The following SDCCAG8 variants were observed in gnomAD, a reference collection of about 807,000 sequenced individuals.
SDCCAG8 encodes SHH signaling and ciliogenesis regulator SDCCAG8.
In SDCCAG8, 74 loss-of-function variants were observed where a neutral mutation model predicts 101.8. The observed-to-expected ratio is 0.73, with a 90% CI of 0.60 to 0.88. The LOEUF (loss-of-function observed/expected upper bound fraction) is 0.88, where lower values mean the gene tolerates loss of function less well. Ranked by LOEUF, SDCCAG8 falls within the 40% of genes least tolerant of loss-of-function variation. The pLI is 0.00. For synonymous variants in SDCCAG8, 281 were observed against 292.9 expected, an observed-to-expected ratio of 0.96 and a Z score of 0.41; for missense variants, 787 against 822.6, an observed-to-expected ratio of 0.96 and a Z score of 0.53.
chr1:243,436,727 C>T (rs2082159069), intron 16 of SDCCAG8, among the ~76,000 whole-genome samples: 1 of 152,066 alleles, frequency 6.6e-6, no homozygotes, highest in South Asian at 2.1e-4. Context: ...CCATCTATAA[C>T]CTGCCAATTT....
intron 8 of SDCCAG8, among the ~76,000 whole-genome samples, chr1:243,310,153 C>T (rs534426002): frequency 7.9e-4 from 121 of 152,208 alleles, no homozygotes; most frequent in African/African-American, 2.8e-3. Flanking sequence ...TGAGCCACCA[C>T]GCCCGGCCCG....
At chr1:243,269,337 T>C (rs2067893184) in intron 1 of SDCCAG8, 1 of 145,554 alleles carries the variant, frequency 6.9e-6, no homozygotes, top group Admixed American at 7.1e-5. Context: ...ACAGTCTCGC[T>C]CTCTTGCCAG....
intron 12 of SDCCAG8, among the ~76,000 whole-genome samples, chr1:243,349,615 C>T (rs1190429955): frequency 1.3e-5 from 2 of 152,140 alleles, no homozygotes; most frequent in Non-Finnish European, 2.9e-5. Flanking sequence ...TGCAGTATAA[C>T]AAATGTGCCA....
At chr1:243,427,650 AT>A (rs1204400710) in intron 16 of SDCCAG8, among the ~76,000 whole-genome samples, 1 of 151,934 alleles carries the variant, frequency 6.6e-6, no homozygotes, top group African/African-American at 2.4e-5. Flanking sequence ...GACTCCTTGT[AT>A]TTTTTTAAAT....
rs1189904392 is a variant in SDCCAG8 at position 243,316,860 on chromosome 1, A to AAT, written c.1038_1039dup (p.Ser347TyrfsTer13). The stretch of plus-strand genomic sequence containing the variant: ...ATGAACAGGTGAAACAAGTTTTGCA[A>AAT]ATATCTGAGGAAGCCAATTTTGAAA... On this transcript the variant is annotated frameshift_variant, in exon 9 of 18. Coordinates refer to ENST00000366541, the MANE Select transcript of SDCCAG8 (RefSeq NM_006642.5). LOFTEE classifies it high-confidence loss of function. 1 of 1,614,230 alleles carries AAT rather than the reference A, an allele frequency of 6.2e-7. No individual in the cohort carries two copies. The highest frequency in any genetic ancestry group is 1.7e-5 in the Admixed American group (1 of 60,030).
intron 15 of SDCCAG8, 76 bp from the exon 16 acceptor site, chr1:243,426,345 ATAATGT>A (rs2081337870): frequency 9.1e-6 from 11 of 1,204,628 alleles, no homozygotes; most frequent in Admixed American, 2.0e-5. Context: ...GGAGTTTAAG[ATAATGT>A]TAAGGTTATA....
chr1:243,304,505 T>A (rs1481247519), intron 6 of SDCCAG8, among the ~76,000 whole-genome samples: 1 of 152,066 alleles, frequency 6.6e-6, no homozygotes. Flanking sequence ...ACAAAGAAAA[T>A]CAATTTTATG....
chr1:243,439,622 T>TCACACACACACACACACACACACACA (rs60044857), intron 16 of SDCCAG8, among the ~76,000 whole-genome samples: 10 of 120,146 alleles, frequency 8.3e-5, no homozygotes, highest in Admixed American at 2.5e-4. Flanking sequence ...TGAGACTCCA[T>TCACACACACACACACACACACACACA]CACACACACA....
At chr1:243,492,519 G>A (rs1574408472) in intron 17 of SDCCAG8, among the ~76,000 whole-genome samples, 1 of 150,452 alleles carries the variant, frequency 6.6e-6, no homozygotes, top group African/African-American at 2.5e-5. Context: ...GGCCAGGCTG[G>A]TCTTGAACTC....
chr1:243,375,114 A>G (rs2077523069), intron 12 of SDCCAG8, among the ~76,000 whole-genome samples: 1 of 152,132 alleles, frequency 6.6e-6, no homozygotes, highest in African/African-American at 2.4e-5. Flanking sequence ...AAATCATTAT[A>G]TGGGAGCATG....
chr1:243,457,957 T>C (rs1323439103), intron 16 of SDCCAG8, among the ~76,000 whole-genome samples: 1 of 152,236 alleles, frequency 6.6e-6, no homozygotes, highest in African/African-American at 2.4e-5. Flanking sequence ...TTTTAAAATT[T>C]GGCTATAATA....
chr1:243,419,331 A>G (rs1428554673), intron 15 of SDCCAG8, among the ~76,000 whole-genome samples: 3 of 152,236 alleles, frequency 2.0e-5, no homozygotes, highest in Non-Finnish European at 4.4e-5. Context: ...AAAGAGACCC[A>G]TAAAATATCA....
In SDCCAG8 at chr1:243,307,976, A is replaced by G. The variant is rs1558269520; in HGVS notation, c.741-13A>G. 1.2e-6 allele frequency: 2 copies of G among 1,612,976 alleles called. No individual in the cohort carries two copies. Among genetic ancestry groups the G allele is most frequent in the African/African-American group, 1.3e-5 (1 of 74,924 alleles). On this transcript the variant is annotated splice_polypyrimidine_tract_variant and intron_variant, in intron 7 of 17. Coordinates refer to ENST00000366541, the MANE Select transcript of SDCCAG8 (RefSeq NM_006642.5). ...CCTGGCCATTTTCTAGAATTTTTTC[A>G]CCCTCTTTTTAGGAACGACTTAGCT...
chr1:243,478,020 A>C (rs1662766788), intron 16 of SDCCAG8, among the ~76,000 whole-genome samples: 1 of 152,234 alleles, frequency 6.6e-6, no homozygotes, highest in East Asian at 1.9e-4. Flanking sequence ...AAATTTTAAA[A>C]GAATTAAAAT....
intron 15 of SDCCAG8, among the ~76,000 whole-genome samples, chr1:243,425,684 G>A (rs1281546461): frequency 6.6e-6 from 1 of 152,158 alleles, no homozygotes; most frequent in Non-Finnish European, 1.5e-5. Context: ...TTAATACAAG[G>A]AAAGGAATAT....
At chr1:243,485,877 G>A (rs1482834222) in intron 16 of SDCCAG8, among the ~76,000 whole-genome samples, 1 of 142,964 alleles carries the variant, frequency 7.0e-6, no homozygotes, top group East Asian at 2.1e-4. Flanking sequence ...GGGCAACAAA[G>A]CAAGACTTCG....
intron 4 of SDCCAG8, among the ~76,000 whole-genome samples, chr1:243,282,179 A>C (rs2069116464): frequency 6.6e-6 from 1 of 150,914 alleles, no homozygotes; most frequent in Middle Eastern, 3.2e-3. Flanking sequence ...TTTCCAATTC[A>C]CATATCAATT....
intron 16 of SDCCAG8, among the ~76,000 whole-genome samples, chr1:243,477,928 A>T (rs1446446503): frequency 6.6e-6 from 1 of 152,220 alleles, no homozygotes; most frequent in African/African-American, 2.4e-5. Flanking sequence ...ACTGAAATTG[A>T]GTCAGAAATT....
At chr1:243,493,599 T>G (rs1221538057) in intron 17 of SDCCAG8, among the ~76,000 whole-genome samples, 3 of 151,920 alleles carry the variant, frequency 2.0e-5, no homozygotes, top group Non-Finnish European at 2.9e-5. Flanking sequence ...TCCCTTTTAG[T>G]CCCCTCATAT....
Sources: allele counts gnomAD v4.1 joint callset (sites outside exome capture counted in the v4.1 genomes callset), GRCh38; gene constraint gnomAD v4.1.1; transcripts MANE v1.5; gene names NCBI Gene and HGNC (gene_info 2026-07-23, HGNC 2026-07-21).